PPEF2: variants seen among roughly 807,000 people sequenced by gnomAD.
PPEF2 encodes protein phosphatase with EF-hand domain 2, also known as serine/threonine-protein phosphatase with EF-hands 2.
A neutral mutation model predicts 84.7 loss-of-function variants in PPEF2; 84 were observed. That is an observed-to-expected ratio of 0.99 (90% CI 0.83 to 1.19). The LOEUF (loss-of-function observed/expected upper bound fraction) is 1.19. PPEF2 is among the 50% of genes most tolerant of loss of function. PPEF2 has a pLI of 0.00. For missense variants in PPEF2, 924 were observed against 937.5 expected (o/e 0.99, Z 0.19); for synonymous variants, 346 against 345.2 (o/e 1.00, Z -0.03).
chr4:75,860,490 A>G lies in PPEF2; in HGVS notation c.*177T>C, dbSNP rs911734488. ...GTTGGGGCACTCATATACTTAAAAC[A>G]CATACATACACAACACCCCAACCCA... On this transcript the variant is annotated 3_prime_UTR_variant, in exon 17 of 17. Coordinates refer to ENST00000286719, the MANE Select transcript of PPEF2 (RefSeq NM_006239.3). The G allele has an allele frequency of 1.3e-6, 1 of 753,774 alleles. No individual in the cohort carries two copies. The highest frequency in any genetic ancestry group is 1.8e-5 in the African/African-American group (1 of 56,790). 46.7% of individuals were successfully genotyped at this position (753,774 alleles called of 1,614,324 possible). A position where few individuals can be genotyped will look rare whatever the true frequency, so the allele number is the denominator to read the frequency against.
chr4:75,885,099 T>C (rs1724689084), intron 7 of PPEF2, among the ~76,000 whole-genome samples: 1 of 152,182 alleles, frequency 6.6e-6, no homozygotes. Context: ...TGCCATAGAT[T>C]TCTCAGGATT....
intron 13 of PPEF2, 41 bp from the exon 14 acceptor site, chr4:75,867,460 A>G: frequency 7.4e-7 from 1 of 1,342,294 alleles, no homozygotes; most frequent in Non-Finnish European, 1.1e-6. Flanking sequence ...ACACACTGGT[A>G]TAGAAAAAAT....
rs1193060606 is a variant in PPEF2 at position 75,860,721 on chromosome 4, G to A, written c.2208C>T (p.Cys736=). The A allele has an allele frequency of 1.2e-6, 2 of 1,614,222 alleles. No homozygotes were observed. The highest frequency in any genetic ancestry group is 2.2e-5 in the East Asian group (1 of 44,882). ...TGTCTTTAGCATTTGTAGCTTGTGG[G>A]CATTCTGAGGCATCGCCCTCTGGGC... The part of the protein sequence containing the change: ...KSCPEGDASE[C]PQATNAKDSG... Residue 736 remains cysteine (C), a synonymous_variant, in exon 17 of 17, where the codon TGC becomes TGT. Transcript: ENST00000286719.
intron 15 of PPEF2, 118 bp from the exon 16 acceptor site, chr4:75,864,645 G>A: frequency 1.3e-6 from 1 of 787,716 alleles, no homozygotes. Context: ...AAAATATTTT[G>A]CCATCCCTCC....
In PPEF2 at chr4:75,881,120, C is replaced by T. The variant is rs1167069791; in HGVS notation, c.933+1806G>A. 3.2e-5 allele frequency among the ~76,000 whole-genome samples: 3 copies of T among 94,672 alleles called. No individual in the cohort carries two copies. In the South Asian group the frequency reaches 9.6e-4, roughly 30 times the overall value. 62.1% of individuals were successfully genotyped at this position (94,672 alleles called of 152,430 possible). On this transcript the variant is annotated intron_variant, in intron 10 of 16. Coordinates refer to ENST00000286719, the MANE Select transcript of PPEF2 (RefSeq NM_006239.3). ...CAGCATAATTTTTTTTTTTTTTTGA[C>T]ATGGAGTCTCGCTGTGTGGCTCAGG...
In PPEF2 at chr4:75,896,329, T is replaced by A; in HGVS notation, c.-4A>T. ...GGGTGGAGGTGCCGCTTCCCATAGT[T>A]TAAGCGCAATGCTCCTGCAGGACGC... is the stretch of plus-strand genomic sequence containing the variant. On this transcript the variant is annotated 5_prime_UTR_variant, in exon 2 of 17. Coordinates refer to ENST00000286719, the MANE Select transcript of PPEF2 (RefSeq NM_006239.3). 1 of 1,614,128 alleles carries A rather than the reference T, an allele frequency of 6.2e-7. No homozygotes were observed. The highest frequency in any genetic ancestry group is 1.1e-5 in the South Asian group (1 of 91,078).
chr4:75,861,776 A>AT (rs1343126982), intron 16 of PPEF2, among the ~76,000 whole-genome samples: 2 of 140,002 alleles, frequency 1.4e-5, no homozygotes, highest in South Asian at 2.8e-4. Context: ...CTCCCGGCTA[A>AT]TTTTTTGTAT....
chr4:75,890,488 C>CAAA lies in PPEF2; in HGVS notation c.242-359_242-357dup, dbSNP rs10710879. Among the ~76,000 whole-genome samples, 15 of 124,596 alleles carry CAAA rather than the reference C, an allele frequency of 1.2e-4. 2 individuals are homozygous for CAAA. The highest frequency in any genetic ancestry group is 1.7e-4 in the Non-Finnish European group (10 of 59,396). 81.7% of individuals were successfully genotyped at this position (124,596 alleles called of 152,430 possible). ...TGAACGATAGAGTGAGACCCTGTCT[C>CAAA]AAAAAAAAAAAAAAAAAGTCCTTCC... On this transcript the variant is annotated intron_variant, in intron 4 of 16. Transcript: ENST00000286719.
intron 13 of PPEF2, among the ~76,000 whole-genome samples, chr4:75,870,614 A>G (rs1005941950): frequency 6.6e-6 from 1 of 152,324 alleles, no homozygotes; most frequent in Admixed American, 6.5e-5. Context: ...TCTTCGTTGT[A>G]GGAGGCAATA....
intron 13 of PPEF2, among the ~76,000 whole-genome samples, chr4:75,868,876 G>GT (rs1210704472): frequency 4.5e-4 from 68 of 152,262 alleles, no homozygotes; most frequent in Non-Finnish European, 6.8e-4. Context: ...AGGCATGGTG[G>GT]TGCATGCCTG....
intron 1 of PPEF2, among the ~76,000 whole-genome samples, chr4:75,896,870 CA>C (rs1560489765): frequency 7.9e-4 from 120 of 151,536 alleles, no homozygotes; most frequent in East Asian, 4.5e-3. Context: ...CCATAGGCCA[CA>C]CCTTTCTTTC....
At chr4:75,890,488 C>CAA (rs10710879) in intron 4 of PPEF2, among the ~76,000 whole-genome samples, 3 of 124,594 alleles carry the variant, frequency 2.4e-5, no homozygotes, top group Middle Eastern at 3.9e-3. Flanking sequence ...GACCCTGTCT[C>CAA]AAAAAAAAAA....
rs1362642960 is a variant in PPEF2 at position 75,872,045 on chromosome 4, G to A, written c.1629C>T (p.His543=). The A allele has an allele frequency of 1.9e-6, 3 of 1,611,618 alleles. No individual in the cohort carries two copies. Among genetic ancestry groups the A allele is most frequent in the East Asian group, 2.2e-5 (1 of 44,838 alleles). Residue 543 remains histidine (H), a synonymous_variant, in exon 13 of 17, where the codon CAC becomes CAT. Coordinates refer to ENST00000286719, the MANE Select transcript of PPEF2 (RefSeq NM_006239.3). The part of the protein sequence containing the change: ...IVQYQANKVT[H]TLTMRQRISR... The stretch of plus-strand genomic sequence containing the variant: ...CTTGCCTTTGCCTCATGGTGAGTGT[G>A]TGGGTCACCTTGTTAGCTTGATACT...
At chr4:75,877,930 G>A (rs1236694897) in intron 10 of PPEF2, among the ~76,000 whole-genome samples, 1 of 152,118 alleles carries the variant, frequency 6.6e-6, no homozygotes, top group Non-Finnish European at 1.5e-5. Context: ...TTTAGACAAG[G>A]ATAGGAAAGG....
At position 75,860,508 on chromosome 4, in the gene PPEF2, C is replaced by G; in HGVS notation, c.*159G>C. 2.1e-6 allele frequency: 2 copies of G among 952,326 alleles called. No individual in the cohort carries two copies. The highest frequency in any genetic ancestry group is 3.1e-6 in the Non-Finnish European group (2 of 652,574). The allele number at this position is 952,326 out of a possible 1,614,324, so 59.0% of individuals were successfully genotyped here. ...TTAAAACACATACATACACAACACC[C>G]CAACCCACCCCTCCACACTGAAATA... On this transcript the variant is annotated 3_prime_UTR_variant, in exon 17 of 17. Coordinates refer to ENST00000286719, the MANE Select transcript of PPEF2 (RefSeq NM_006239.3).
intron 11 of PPEF2, among the ~76,000 whole-genome samples, chr4:75,875,650 A>T (rs1013660557): frequency 6.6e-6 from 1 of 152,024 alleles, no homozygotes; most frequent in African/African-American, 2.4e-5. Context: ...CACAATAATC[A>T]TCTCCCACCT....
At chr4:75,872,476 G>A (rs1195394271) in intron 12 of PPEF2, among the ~76,000 whole-genome samples, 1 of 152,152 alleles carries the variant, frequency 6.6e-6, no homozygotes, top group Non-Finnish European at 1.5e-5. Context: ...GAGGCAAGCT[G>A]GGTCTGATAA....
intron 14 of PPEF2, 23 bp downstream of exon 14, chr4:75,867,290 A>C (rs755122136): frequency 1.0e-5 from 16 of 1,573,072 alleles, no homozygotes; most frequent in Non-Finnish European, 1.4e-5. Flanking sequence ...TCCTCTGTGA[A>C]TCTTTAACTT....
rs776382922 is a variant in PPEF2 at position 75,872,170 on chromosome 4, A to G, written c.1507-3T>C. The stretch of plus-strand genomic sequence containing the variant: ...GAGGCAGAAAAGATTGTTAATACCT[A>G]CATCAAAACAGAAGAGAGACAGGTG... On this transcript the variant is annotated splice_polypyrimidine_tract_variant and splice_region_variant and intron_variant, in intron 12 of 16. Coordinates refer to ENST00000286719, the MANE Select transcript of PPEF2 (RefSeq NM_006239.3). The G allele has an allele frequency of 1.2e-6, 2 of 1,612,272 alleles. No homozygotes were observed. The highest frequency in any genetic ancestry group is 1.1e-5 in the South Asian group (1 of 90,692).
Sources: allele counts gnomAD v4.1 joint callset (sites outside exome capture counted in the v4.1 genomes callset), GRCh38; gene constraint gnomAD v4.1.1; transcripts MANE v1.5; gene names NCBI Gene and HGNC (gene_info 2026-07-23, HGNC 2026-07-21).